LYRM4: variants seen among roughly 807,000 people sequenced by gnomAD.
The protein encoded by LYRM4 is LYR motif containing 4.
In LYRM4, 9 loss-of-function variants were observed where a neutral mutation model predicts 11.7. The ratio of observed to expected loss-of-function variants is 0.77; its 90% confidence interval spans 0.46 to 1.34. The LOEUF (loss-of-function observed/expected upper bound fraction) is 1.34, where lower values mean the gene tolerates loss of function less well. Ranked by LOEUF, LYRM4 falls within the 40% of genes most tolerant of loss-of-function variation. LYRM4 has a pLI of 0.00. For synonymous variants in LYRM4, 42 were observed against 40.4 expected (o/e 1.04, Z -0.15); for missense variants, 133 against 112.5 (o/e 1.18, Z -0.82).
chr6:5,062,669 T>G, the LYRM4 span, among the ~76,000 whole-genome samples: 2 of 152,212 alleles, frequency 1.3e-5, no homozygotes, highest in Admixed American at 6.5e-5. Flanking sequence ...GCTCTTCTAC[T>G]GAAAACACAT....
At chr6:5,150,101 G>A (rs751625994) in intron 2 of LYRM4, among the ~76,000 whole-genome samples, 1 of 152,126 alleles carries the variant, frequency 6.6e-6, no homozygotes, top group Non-Finnish European at 1.5e-5. Flanking sequence ...AGTAAAGCAG[G>A]GTATTAAGAG....
At chr6:5,085,627 C>T in the LYRM4 span, 2 of 1,548,472 alleles carry the variant, frequency 1.3e-6, no homozygotes, top group East Asian at 2.4e-5. Flanking sequence ...TTCGGAGACC[C>T]CGAGTCCTGA....
At chr6:5,198,750 C>T (rs1020761626) in intron 2 of LYRM4, among the ~76,000 whole-genome samples, 1 of 152,190 alleles carries the variant, frequency 6.6e-6, no homozygotes, top group Non-Finnish European at 1.5e-5. Flanking sequence ...AGGTCCATGT[C>T]CATCCCCGCC....
intron 2 of LYRM4, among the ~76,000 whole-genome samples, chr6:5,188,558 G>A (rs1265861361): frequency 6.6e-6 from 1 of 152,126 alleles, no homozygotes; most frequent in East Asian, 1.9e-4. Flanking sequence ...ATCAAGTACT[G>A]ATTAAGAGCT....
At position 5,108,928 on chromosome 6, in the gene LYRM4, T is replaced by C; in HGVS notation, c.*495A>G. The C allele has an allele frequency of 1.0e-6, 1 of 995,350 alleles. No homozygotes were observed. The allele number at this position is 995,350 out of a possible 1,614,324, so 61.7% of individuals were successfully genotyped here. A position where few individuals can be genotyped will look rare whatever the true frequency, so the allele number is the denominator to read the frequency against. ...ACTCCATGCTGCCCCCAGTCTCAAGTGGTGCTTGAACTTGCCTTCACCAAG... is the reference window on the plus strand; with the variant it reads ...ACTCCATGCTGCCCCCAGTCTCAAGCGGTGCTTGAACTTGCCTTCACCAAG... On this transcript the variant is annotated 3_prime_UTR_variant, in exon 3 of 3. Coordinates refer to ENST00000330636, the MANE Select transcript of LYRM4 (RefSeq NM_020408.6).
At chr6:5,087,696 C>G in the LYRM4 span, 1 of 152,318 alleles carries the variant, frequency 6.6e-6, no homozygotes, top group African/African-American at 2.4e-5. Context: ...AGGAGGCATG[C>G]CCAGCGAGTC....
At chr6:5,258,950 C>T (rs1014789340) in intron 1 of LYRM4, among the ~76,000 whole-genome samples, 4 of 152,164 alleles carry the variant, frequency 2.6e-5, no homozygotes, top group Non-Finnish European at 4.4e-5. Context: ...CATTTGAAAA[C>T]GCTTGGGCCT....
At chr6:5,083,365 G>C in the LYRM4 span, among the ~76,000 whole-genome samples, 1 of 152,326 alleles carries the variant, frequency 6.6e-6, no homozygotes, top group Middle Eastern at 3.4e-3. Flanking sequence ...AGGAAGACAG[G>C]CCGTGTGCGC....
At chr6:5,067,817 C>T in the LYRM4 span, among the ~76,000 whole-genome samples, 1 of 152,112 alleles carries the variant, frequency 6.6e-6, no homozygotes, top group South Asian at 2.1e-4. Flanking sequence ...AAATCCCATG[C>T]CAGTTTGTAG....
the LYRM4 span, among the ~76,000 whole-genome samples, chr6:5,053,197 G>T: frequency 6.6e-6 from 1 of 152,126 alleles, no homozygotes; most frequent in Non-Finnish European, 1.5e-5. Flanking sequence ...ATGATGATCT[G>T]TTTCCACCAG....
intron 1 of LYRM4, among the ~76,000 whole-genome samples, chr6:5,242,787 G>A: frequency 7.4e-6 from 1 of 135,172 alleles, no homozygotes; most frequent in South Asian, 2.3e-4. Context: ...TTTTTTTTGA[G>A]ACGGAGTCTC....
chr6:5,101,685 G>C (rs956740813), downstream of LYRM4, among the ~76,000 whole-genome samples: 7 of 152,186 alleles, frequency 4.6e-5, no homozygotes, highest in African/African-American at 1.7e-4. Flanking sequence ...CACACAGCCA[G>C]CTAGTGGCTG....
At chr6:5,259,513 G>A (rs1286173653) in intron 1 of LYRM4, among the ~76,000 whole-genome samples, 1 of 152,198 alleles carries the variant, frequency 6.6e-6, no homozygotes, top group Admixed American at 6.5e-5. Context: ...TTTCCAGGCG[G>A]GTTTCTAAAA....
chr6:5,154,612 C>G (rs1001956876), intron 2 of LYRM4, among the ~76,000 whole-genome samples: 1 of 152,080 alleles, frequency 6.6e-6, no homozygotes, highest in Non-Finnish European at 1.5e-5. Context: ...GTCAGGAGAT[C>G]GAGACCATCC....
chr6:5,073,264 G>A, the LYRM4 span, among the ~76,000 whole-genome samples: 23 of 152,174 alleles, frequency 1.5e-4, no homozygotes, highest in Admixed American at 3.3e-4. Flanking sequence ...CAGCTACTCG[G>A]GAGGCTGTGG....
At chr6:5,121,393 G>C (rs909028332) in intron 2 of LYRM4, among the ~76,000 whole-genome samples, 2 of 152,158 alleles carry the variant, frequency 1.3e-5, no homozygotes, top group Non-Finnish European at 2.9e-5. Context: ...CACTGCTCAG[G>C]GTGGGGAAGA....
At chr6:5,153,327 G>T (rs1375280524) in intron 2 of LYRM4, among the ~76,000 whole-genome samples, 1 of 152,184 alleles carries the variant, frequency 6.6e-6, no homozygotes, top group African/African-American at 2.4e-5. Flanking sequence ...CTGACCTCAA[G>T]TGACCCGCCC....
At position 5,132,299 on chromosome 6, in the gene LYRM4, G is replaced by A. The variant is rs575064899; in HGVS notation, c.208-22808C>T. On this transcript the variant is annotated intron_variant, in intron 2 of 2. Coordinates refer to ENST00000330636, the MANE Select transcript of LYRM4 (RefSeq NM_020408.6). ...AATATTCATATTTCCTTAGGAATGAGTATATGGAACCAGAGAAACTGAGTA... is the reference window on the plus strand; with the variant it reads ...AATATTCATATTTCCTTAGGAATGAATATATGGAACCAGAGAAACTGAGTA... 3.9e-4 allele frequency among the ~76,000 whole-genome samples: 59 copies of A among 152,244 alleles called. No homozygotes were observed. In the Middle Eastern group the frequency reaches 0.01, roughly 26 times the overall value.
At chr6:5,122,084 A>G (rs1763482260) in intron 2 of LYRM4, among the ~76,000 whole-genome samples, 1 of 152,176 alleles carries the variant, frequency 6.6e-6, no homozygotes, top group African/African-American at 2.4e-5. Flanking sequence ...AATATAACTG[A>G]GCAGGCAAGC....
Sources: gnomAD v4.1 joint callset for allele counts (sites outside exome capture counted in the v4.1 genomes callset) on GRCh38, gnomAD v4.1.1 for gene constraint, MANE v1.5 for transcripts, NCBI Gene and HGNC (gene_info 2026-07-23, HGNC 2026-07-21) for gene names.